LRRC4C: variants seen among roughly 807,000 people sequenced by gnomAD.
The protein encoded by LRRC4C is leucine rich repeat containing 4C.
In LRRC4C, 5 loss-of-function variants were observed where a neutral mutation model predicts 33.6. The observed-to-expected ratio is 0.15, with a 90% CI of 0.08 to 0.31. The LOEUF (loss-of-function observed/expected upper bound fraction) is 0.31, where lower values mean the gene tolerates loss of function less well. LRRC4C is among the 10% of genes least tolerant of loss of function. LRRC4C has a pLI of 1.00. For missense variants in LRRC4C, 560 were observed against 796.7 expected, an observed-to-expected ratio of 0.70 and a Z score of 3.58; for synonymous variants, 329 against 302.0, an observed-to-expected ratio of 1.09 and a Z score of -0.93.
At chr11:40,214,485 T>C (rs1443799331) in intron 5 of LRRC4C, among the ~76,000 whole-genome samples, 1 of 152,176 alleles carries the variant, frequency 6.6e-6, no homozygotes, top group African/African-American at 2.4e-5. Context: ...TACCTCAAAA[T>C]ACTCCCTAAT....
At chr11:41,435,657 C>T (rs11036402) in intron 1 of LRRC4C, among the ~76,000 whole-genome samples, 5,403 of 152,210 alleles carry the variant, frequency 0.035, 333 homozygotes, top group African/African-American at 0.12. Context: ...ACATGAGAAT[C>T]GCATGGTTAT....
At chr11:41,366,446 G>A (rs1354186993) in intron 1 of LRRC4C, among the ~76,000 whole-genome samples, 1 of 152,078 alleles carries the variant, frequency 6.6e-6, no homozygotes, top group Admixed American at 6.5e-5. Flanking sequence ...TAGTAACAGG[G>A]TAATTTGAAA....
intron 2 of LRRC4C, among the ~76,000 whole-genome samples, chr11:40,847,926 T>G (rs1953272521): frequency 6.6e-6 from 1 of 152,044 alleles, no homozygotes; most frequent in Non-Finnish European, 1.5e-5. Flanking sequence ...CTTTCTATTT[T>G]CTAGTTTATT....
chr11:40,478,059 TC>T (rs1427298470), intron 3 of LRRC4C, among the ~76,000 whole-genome samples: 1 of 152,184 alleles, frequency 6.6e-6, no homozygotes, highest in Non-Finnish European at 1.5e-5. Flanking sequence ...TCCTTGCCTT[TC>T]ACCATGATTG....
chr11:40,487,572 T>C (rs536869097), intron 3 of LRRC4C, among the ~76,000 whole-genome samples: 1 of 152,222 alleles, frequency 6.6e-6, no homozygotes, highest in African/African-American at 2.4e-5. Context: ...CCATGATGCA[T>C]TACCGTGTAG....
intron 2 of LRRC4C, among the ~76,000 whole-genome samples, chr11:40,697,228 A>T (rs990959784): frequency 2.6e-5 from 4 of 152,116 alleles, no homozygotes; most frequent in African/African-American, 9.7e-5. Flanking sequence ...GATGCTTTGA[A>T]AGCACTGAGA....
intron 2 of LRRC4C, among the ~76,000 whole-genome samples, chr11:40,763,801 G>A (rs1027486718): frequency 1.3e-5 from 2 of 152,184 alleles, no homozygotes; most frequent in Non-Finnish European, 2.9e-5. Flanking sequence ...CATTTCAGTA[G>A]TCAGAACCTA....
intron 3 of LRRC4C, among the ~76,000 whole-genome samples, chr11:40,595,258 AT>A (rs1959208037): frequency 6.6e-6 from 1 of 152,046 alleles, no homozygotes; most frequent in African/African-American, 2.4e-5. Flanking sequence ...GCAAAAAAAA[AT>A]CATGATAAAT....
intron 1 of LRRC4C, among the ~76,000 whole-genome samples, chr11:40,957,603 C>T (rs61887564): frequency 4.0e-5 from 6 of 151,672 alleles, no homozygotes; most frequent in Non-Finnish European, 7.4e-5. Context: ...CCACACTAAA[C>T]GAACTATGGT....
At chr11:41,079,404 T>C (rs764663859) in intron 1 of LRRC4C, among the ~76,000 whole-genome samples, 2 of 152,184 alleles carry the variant, frequency 1.3e-5, no homozygotes, top group African/African-American at 2.4e-5. Context: ...TTTTGAAGGA[T>C]AGGCACGTTT....
intron 5 of LRRC4C, among the ~76,000 whole-genome samples, chr11:40,144,657 T>C (rs1249898840): frequency 6.6e-6 from 1 of 152,190 alleles, no homozygotes; most frequent in Non-Finnish European, 1.5e-5. Context: ...TCAACAAATA[T>C]AGGAGGAAGG....
intron 1 of LRRC4C, among the ~76,000 whole-genome samples, chr11:41,089,671 G>A (rs1940259720): frequency 6.6e-6 from 1 of 152,020 alleles, no homozygotes; most frequent in Admixed American, 6.6e-5. Context: ...TTAATACAGA[G>A]TTGAATATCT....
chr11:40,344,550 T>C (rs1280241071), intron 3 of LRRC4C, among the ~76,000 whole-genome samples: 1 of 152,118 alleles, frequency 6.6e-6, no homozygotes, highest in African/African-American at 2.4e-5. Context: ...AACATCATAA[T>C]GAATGGGCAA....
intron 3 of LRRC4C, among the ~76,000 whole-genome samples, chr11:40,615,255 TATATATATATACACAC>T (rs375147574): frequency 8.8e-4 from 79 of 89,744 alleles, no homozygotes; most frequent in Middle Eastern, 8.2e-3. Flanking sequence ...TATATATATA[TATATATATATACACAC>T]ACACACACAT....
rs1468419339 is a variant in LRRC4C, at chr11:41,011,720, A to G, written c.-495-77997T>C. On this transcript the variant is annotated intron_variant, in intron 1 of 6. Transcript: ENST00000528697. ...ATGGAGTCACTAAGCCCGGGTTTCT[A>G]TCTAGACTCCATCATTTACAAGCTA... Among the ~76,000 whole-genome samples the G allele has an allele frequency of 3.3e-5, 5 of 151,414 alleles. No homozygotes were observed. In the South Asian group the frequency reaches 6.2e-4, roughly 19 times the overall value.
At chr11:41,448,502 C>T (rs1180784552) in intron 1 of LRRC4C, among the ~76,000 whole-genome samples, 1 of 151,856 alleles carries the variant, frequency 6.6e-6, no homozygotes, top group Non-Finnish European at 1.5e-5. Context: ...GATGGGGTTT[C>T]ACCATGTTTG....
chr11:40,662,393 A>G (rs1045444435), intron 2 of LRRC4C, among the ~76,000 whole-genome samples: 1 of 152,172 alleles, frequency 6.6e-6, no homozygotes, highest in Non-Finnish European at 1.5e-5. Context: ...GGCTAGAGGT[A>G]CCCATTACAG....
intron 3 of LRRC4C, among the ~76,000 whole-genome samples, chr11:40,430,329 G>A (rs1302390409): frequency 6.6e-6 from 1 of 152,024 alleles, no homozygotes; most frequent in East Asian, 1.9e-4. Context: ...GTTTTCTGAT[G>A]GAAAAGCAGT....
At chr11:40,536,917 A>C (rs1018294265) in intron 3 of LRRC4C, among the ~76,000 whole-genome samples, 1 of 152,118 alleles carries the variant, frequency 6.6e-6, no homozygotes, top group African/African-American at 2.4e-5. Context: ...TTCATTGTCA[A>C]CTACCCTTTC....
Sources: allele counts gnomAD v4.1 joint callset (sites outside exome capture counted in the v4.1 genomes callset), GRCh38; gene constraint gnomAD v4.1.1; transcripts MANE v1.5; gene names NCBI Gene and HGNC (gene_info 2026-07-23, HGNC 2026-07-21).